IL12RB2: variants seen among roughly 807,000 people sequenced by gnomAD.
IL12RB2 encodes the protein interleukin 12 receptor subunit beta 2.
In IL12RB2, 82 loss-of-function variants were observed where a neutral mutation model predicts 89.4. The ratio of observed to expected loss-of-function variants is 0.92; its 90% CI spans 0.77 to 1.10. The LOEUF is 1.10. Among genes scored for constraint, IL12RB2 ranks in the 50% least tolerant of loss-of-function variants. IL12RB2 has a pLI of 0.00. For synonymous variants in IL12RB2, 368 were observed against 370.1 expected (o/e 0.99, Z 0.07); for missense variants, 963 against 1,031.9 (o/e 0.93, Z 0.92).
At chr1:67,362,340 G>A (rs1662156375) in intron 10 of IL12RB2, among the ~76,000 whole-genome samples, 1 of 151,360 alleles carries the variant, frequency 6.6e-6, no homozygotes, top group African/African-American at 2.4e-5. Flanking sequence ...GCCGAGGCGG[G>A]TGGATCATGA....
chr1:67,365,611 G>C (rs12564159), intron 10 of IL12RB2, among the ~76,000 whole-genome samples: 99,291 of 151,960 alleles, frequency 0.65, 33,034 homozygotes, highest in South Asian at 0.73. Context: ...AAGTGGCCAA[G>C]CCAGACACAG....
In IL12RB2 at chr1:67,321,606, G is replaced by C. The variant is rs571957942; in HGVS notation, c.81G>C (p.Ala27=). ...TGCATCTGTATCTTATTGCAGATGC[G>C]TGCAAGAGAGGCGATGTGACTGTGA... is the stretch of plus-strand genomic sequence containing the variant. ...TWLLIKAKID[A]CKRGDVTVKP... is the part of the protein sequence containing the mutation. Residue 27 remains alanine (A), a synonymous_variant, in exon 4 of 17, where the codon GCG becomes GCC. Transcript: ENST00000674203. The C allele has an allele frequency of 4.4e-6, 7 of 1,592,840 alleles. No homozygotes were observed. The highest frequency in any genetic ancestry group is 6.0e-6 in the Non-Finnish European group (7 of 1,160,976).
intron 8 of IL12RB2, among the ~76,000 whole-genome samples, chr1:67,336,975 C>G: frequency 6.6e-6 from 1 of 152,184 alleles, no homozygotes; most frequent in Non-Finnish European, 1.5e-5. Flanking sequence ...GGAATTATCA[C>G]CCTCATCTGA....
chr1:67,354,722 C>T (rs1169092612), intron 10 of IL12RB2, among the ~76,000 whole-genome samples: 1 of 152,148 alleles, frequency 6.6e-6, no homozygotes, highest in African/African-American at 2.4e-5. Flanking sequence ...CTCACACATA[C>T]CTTGAATGAT....
chr1:67,338,538 T>G, intron 8 of IL12RB2, 86 bp from the exon 9 acceptor site: 4 of 763,900 alleles, frequency 5.2e-6, no homozygotes, highest in Non-Finnish European at 9.7e-6. Context: ...CTAATTCTAC[T>G]CTTCCAGAAT....
At chr1:67,347,462 T>C (rs1438322622) in intron 9 of IL12RB2, among the ~76,000 whole-genome samples, 1 of 152,188 alleles carries the variant, frequency 6.6e-6, no homozygotes, top group East Asian at 1.9e-4. Flanking sequence ...TAAAAACAGA[T>C]GCATTGCATT....
intron 8 of IL12RB2, among the ~76,000 whole-genome samples, chr1:67,337,233 T>C (rs1658888730): frequency 6.6e-6 from 1 of 152,176 alleles, no homozygotes; most frequent in South Asian, 2.1e-4. Flanking sequence ...GAAATTTCCA[T>C]CTGGTTAGAT....
At chr1:67,390,455 CTTTTTT>C (rs67532605) in intron 16 of IL12RB2, among the ~76,000 whole-genome samples, 2 of 107,522 alleles carry the variant, frequency 1.9e-5, no homozygotes, top group Non-Finnish European at 3.7e-5. Context: ...GCAAACTTTC[CTTTTTT>C]TTTTTTTTTT....
At chr1:67,359,724 CAAAA>C (rs1011009548) in intron 10 of IL12RB2, among the ~76,000 whole-genome samples, 1 of 150,924 alleles carries the variant, frequency 6.6e-6, no homozygotes, top group African/African-American at 2.4e-5. Flanking sequence ...AAAAAAAAAA[CAAAA>C]AAACACACAG....
rs1558307815 is a variant in IL12RB2 at position 67,330,277 on chromosome 1, A to ATTT, written c.808-383_808-382insTTT. 4.1e-3 allele frequency among the ~76,000 whole-genome samples: 576 copies of ATTT among 139,500 alleles called. 4 individuals are homozygous for ATTT. The highest frequency in any genetic ancestry group is 0.015 in the African/African-American group (518 of 35,152). The allele number at this position is 139,500 out of a possible 152,430, so 91.5% of individuals were successfully genotyped here. ...TAACTAATTAAAGGGTTTTTTTAAA[A>ATTT]AAAAAAAAAGCCAGTGCTATGTTTG... On this transcript the variant is annotated intron_variant, in intron 7 of 16. Coordinates refer to ENST00000674203, the MANE Select transcript of IL12RB2 (RefSeq NM_001374259.2).
At chr1:67,394,277 C>A (rs796908674) in intron 16 of IL12RB2, among the ~76,000 whole-genome samples, 3 of 152,090 alleles carry the variant, frequency 2.0e-5, no homozygotes, top group Admixed American at 6.6e-5. Context: ...AGGCTCTGGA[C>A]CCTCTGCTTG....
At chr1:67,379,842 CT>C (rs1664392788) in intron 13 of IL12RB2, 143 bp from the exon 14 acceptor site, 1 of 687,242 alleles carries the variant, frequency 1.5e-6, no homozygotes, top group Admixed American at 2.1e-5. Context: ...GTATTAAGTA[CT>C]GAGGAATTTG....
At chr1:67,322,436 CAA>C (rs56249028) in intron 4 of IL12RB2, among the ~76,000 whole-genome samples, 35 of 127,216 alleles carry the variant, frequency 2.8e-4, no homozygotes, top group Middle Eastern at 3.9e-3. Context: ...CTGACTCCAG[CAA>C]AAAAAAAAAA....
chr1:67,367,859 A>T lies in IL12RB2; in HGVS notation c.1293A>T (p.Ser431=). Residue 431 remains serine, a synonymous_variant, in exon 11 of 17, where the codon TCA becomes TCT. Coordinates refer to ENST00000674203, the MANE Select transcript of IL12RB2 (RefSeq NM_001374259.2). ...CTCCTCGCCAGGTCTCTGCAAACTC[A>T]GAGGGCATGGACAACATTCTGGTGA... ...LLAPRQVSAN[S]EGMDNILVTW... 6.2e-7 allele frequency: 1 copy of T among 1,607,912 alleles called. No individual in the cohort carries two copies. The highest frequency in any genetic ancestry group is 8.5e-7 in the Non-Finnish European group (1 of 1,174,356).
intron 10 of IL12RB2, among the ~76,000 whole-genome samples, chr1:67,359,014 G>A (rs1031084141): frequency 6.6e-6 from 1 of 151,970 alleles, no homozygotes; most frequent in Non-Finnish European, 1.5e-5. Flanking sequence ...AGTGGTGCAC[G>A]CCTGTAGTTC....
chr1:67,383,944 GC>G, intron 14 of IL12RB2, among the ~76,000 whole-genome samples: 1 of 152,234 alleles, frequency 6.6e-6, no homozygotes, highest in Admixed American at 6.5e-5. Flanking sequence ...CTGTGGCTTT[GC>G]AGGGTACAGC....
chr1:67,362,572 CA>C (rs956277979), intron 10 of IL12RB2, among the ~76,000 whole-genome samples: 804 of 43,288 alleles, frequency 0.019, no homozygotes, highest in South Asian at 0.059. Context: ...GACTCCGTCT[CA>C]AAAAAAAAAA....
chr1:67,317,478 C>A (rs1244809111), intron 2 of IL12RB2, among the ~76,000 whole-genome samples: 2 of 152,164 alleles, frequency 1.3e-5, no homozygotes, highest in East Asian at 3.8e-4. Flanking sequence ...TCCTTGGTAC[C>A]TCATATCTCT....
At chr1:67,357,154 T>TAAGA (rs1338127245) in intron 10 of IL12RB2, among the ~76,000 whole-genome samples, 5 of 152,050 alleles carry the variant, frequency 3.3e-5, no homozygotes, top group Non-Finnish European at 7.4e-5. Context: ...GCCAGGAATT[T>TAAGA]AAGACCAGCC....
Sources: allele counts gnomAD v4.1 joint callset (sites outside exome capture counted in the v4.1 genomes callset), GRCh38; gene constraint gnomAD v4.1.1; transcripts MANE v1.5; gene names NCBI Gene and HGNC (gene_info 2026-07-23, HGNC 2026-07-21).